Variants in ODC1 observed in about 807,000 individuals in gnomAD.
ODC1 encodes the protein ornithine decarboxylase.
ODC1 carries 18 observed loss-of-function variants against 41.5 expected under a neutral mutation model. That is an observed-to-expected ratio of 0.43 (90% confidence interval 0.30 to 0.64). The LOEUF (loss-of-function observed/expected upper bound fraction) is 0.64, where lower values mean the gene tolerates loss of function less well. Among genes scored for constraint, ODC1 ranks in the 30% least tolerant of loss-of-function variants. The pLI is 0.11. For synonymous variants in ODC1, 218 were observed against 211.6 expected (o/e 1.03, Z -0.26); for missense variants, 504 against 589.0 (o/e 0.86, Z 1.49).
intron 1 of ODC1, among the ~76,000 whole-genome samples, chr2:10,447,098 A>C (rs1292254461): frequency 2.0e-5 from 3 of 152,238 alleles, no homozygotes; most frequent in Non-Finnish European, 4.4e-5. Context: ...GTTCAGGCCT[A>C]AACTTGGAAA....
intron 3 of ODC1, 47 bp downstream of exon 3, chr2:10,444,884 G>C (rs752720342): frequency 6.5e-6 from 9 of 1,376,262 alleles, no homozygotes; most frequent in Non-Finnish European, 2.1e-6. Context: ...TTTTCCACTT[G>C]CCTGGCACTC....
At position 10,443,552 on chromosome 2, in the gene ODC1, A is replaced by G; in HGVS notation, c.604T>C (p.Cys202Arg). Residue 202 changes from cysteine (C) to arginine (R), a missense_variant, in exon 7 of 12, where the codon TGT becomes CGT. Physicochemically the swap from Cys to Arg is radical, Grantham distance 180 (BLOSUM62 -3). Transcript: ENST00000234111. Reference sequence around the variant, plus strand: ...TGCACGAAGGTCTCAGGATCGGTACAGCCGCTTCCTACATGGAAGCTGGGG... The same window carrying G: ...TGCACGAAGGTCTCAGGATCGGTACGGCCGCTTCCTACATGGAAGCTGGGG... ...VGVSFHVGSG[C>R]TDPETFVQAI... The G allele has an allele frequency of 1.9e-6, 3 of 1,613,856 alleles. No individual in the cohort carries two copies. The highest frequency in any genetic ancestry group is 2.5e-6 in the Non-Finnish European group (3 of 1,179,796).
intron 8 of ODC1, among the ~76,000 whole-genome samples, chr2:10,442,710 G>GCTTTTTCTT (rs1671871206): frequency 6.6e-6 from 1 of 151,946 alleles, no homozygotes; most frequent in South Asian, 2.1e-4. Context: ...ACAGCAACAT[G>GCTTTTTCTT]CTTTTTCTTT....
chr2:10,440,491 C>G lies in ODC1; in HGVS notation c.*233G>C, dbSNP rs1437627449. The G allele has an allele frequency of 4.9e-6, 2 of 404,814 alleles. No individual in the cohort carries two copies. Among genetic ancestry groups the G allele is most frequent in the East Asian group, 9.1e-5 (2 of 22,024 alleles). 25.1% of individuals were successfully genotyped at this position (404,814 alleles called of 1,614,324 possible). On this transcript the variant is annotated 3_prime_UTR_variant, in exon 12 of 12. Transcript: ENST00000234111. ...ATGCTTGTTCAGCAGCTGAGGGGCA[C>G]TCTTGAGTAGCGTGTCTGAAGAGTG...
At position 10,444,930 on chromosome 2, in the gene ODC1, CAGA is replaced by C; in HGVS notation, c.100_102del (p.Ser34del). ...TGCCAGCATGGGCCTCATATACTTA[CAGA>C]AGAAGAAACTTCATTAATTTTCTGG... On this transcript the variant is annotated inframe_deletion and splice_region_variant, in exon 3 of 12. Coordinates refer to ENST00000234111, the MANE Select transcript of ODC1 (RefSeq NM_002539.3). 3 of 1,606,624 alleles carry C rather than the reference CAGA, an allele frequency of 1.9e-6. No individual in the cohort carries two copies. The highest frequency in any genetic ancestry group is 2.6e-6 in the Non-Finnish European group (3 of 1,173,442).
rs1318860832 is a variant in ODC1, at chr2:10,442,179, G to A, written c.751-5C>T. On this transcript the variant is annotated splice_polypyrimidine_tract_variant and splice_region_variant and intron_variant, in intron 8 of 11. Transcript: ENST00000234111. ...TGGGTTGATTACGCCGGTGATCTAA[G>A]AGAGTGAAACAGAAAAGAAAGAGCA... The A allele has an allele frequency of 1.3e-6, 2 of 1,592,056 alleles. No individual in the cohort carries two copies. The highest frequency in any genetic ancestry group is 1.1e-5 in the South Asian group (1 of 87,502).
intron 1 of ODC1, chr2:10,447,603 G>C (rs1672069503): frequency 6.6e-6 from 1 of 152,248 alleles, no homozygotes; most frequent in Admixed American, 6.5e-5. Context: ...AGCTACTACA[G>C]CAAGACTATC....
intron 11 of ODC1, 123 bp downstream of exon 11, chr2:10,441,386 A>G: frequency 9.8e-7 from 1 of 1,016,234 alleles, no homozygotes. Flanking sequence ...AACTTTTCTT[A>G]GGAAAAATAT....
At chr2:10,444,397 C>A in intron 4 of ODC1, 77 bp downstream of exon 4, 1 of 1,518,372 alleles carries the variant, frequency 6.6e-7, no homozygotes. Flanking sequence ...GCCCAAAAAA[C>A]ACAACTTGTA....
In ODC1 at chr2:10,443,304, C is replaced by G. The variant is rs775665889; in HGVS notation, c.676G>C (p.Gly226Arg). ...ATATCAAGCAGATACATGCTGAAAC[C>G]AACCTCAGCCTAGAATCAAGAAAAT... ...RCVFDMGAEVGFSMYLLDIGG... is the reference protein window; with the variant it reads ...RCVFDMGAEVRFSMYLLDIGG... Residue 226 changes from glycine (G) to arginine (R), a missense_variant, in exon 8 of 12, where the codon GGT (glycine) becomes CGT (arginine). Gly to Arg is a moderately radical substitution (Grantham distance 125). Coordinates refer to ENST00000234111, the MANE Select transcript of ODC1 (RefSeq NM_002539.3). 10 of 1,610,724 alleles carry G rather than the reference C, an allele frequency of 6.2e-6. No homozygotes were observed. Among genetic ancestry groups the G allele is most frequent in the Non-Finnish European group, 8.5e-6 (10 of 1,179,112 alleles).
In ODC1 at chr2:10,444,643, T is replaced by C; in HGVS notation, c.107A>G (p.Asp36Gly). Residue 36 changes from aspartate (D) to glycine (G), a missense_variant, in exon 4 of 12, where the codon GAT becomes GGT. Physicochemically the swap from Asp to Gly is moderately conservative, Grantham distance 94 (BLOSUM62 -1). Coordinates refer to ENST00000234111, the MANE Select transcript of ODC1 (RefSeq NM_002539.3). The part of the protein sequence containing the change: ...QKINEVSSSD[D>G]KDAFYVADLG... ...GTCTGCCACATAGAAGGCATCCTTA[T>C]CATCCTGAAACAAGAGTGGTCACAG... The C allele has an allele frequency of 6.2e-7, 1 of 1,611,772 alleles. No individual in the cohort carries two copies.
At position 10,440,807 on chromosome 2, in the gene ODC1, T is replaced by C; in HGVS notation, c.1303A>G (p.Ser435Gly). 6.2e-7 allele frequency: 1 copy of C among 1,614,108 alleles called. No homozygotes were observed. Among genetic ancestry groups the C allele is most frequent in the Non-Finnish European group, 8.5e-7 (1 of 1,179,980 alleles). ...CAGGCACAAGACACAGGCAGGGTGC[T>C]GGCATCCTGTTCCTCTACTTCGGGT... ...FPPEVEEQDA[S>G]TLPVSCAWES... Residue 435 changes from serine (S) to glycine (G), a missense_variant, in exon 12 of 12, where the codon AGC becomes GGC. Ser to Gly is a moderately conservative substitution (Grantham distance 56). Around this residue, in one of 3 missense-constraint regions of ODC1, gnomAD observed 447 missense variants for 524.4 expected, o/e 0.85. Coordinates refer to ENST00000234111, the MANE Select transcript of ODC1 (RefSeq NM_002539.3).
intron 8 of ODC1, among the ~76,000 whole-genome samples, 166 bp from the exon 9 acceptor site, chr2:10,442,340 A>T (rs6708087): frequency 1.9e-3 from 296 of 152,220 alleles, no homozygotes; most frequent in African/African-American, 6.9e-3. Context: ...CTCCCTGAAA[A>T]CCAGGCTACA....
At chr2:10,441,796 T>C (rs939377514) in intron 10 of ODC1, 21 bp downstream of exon 10, 1 of 1,613,130 alleles carries the variant, frequency 6.2e-7, no homozygotes, top group East Asian at 2.2e-5. Context: ...AATTGTTTTA[T>C]ACAGTATGCT....
chr2:10,443,852 G>C lies in ODC1; in HGVS notation c.450-16C>G. The C allele has an allele frequency of 6.2e-7, 1 of 1,612,590 alleles. No homozygotes were observed. The highest frequency in any genetic ancestry group is 8.5e-7 in the Non-Finnish European group (1 of 1,178,712). On this transcript the variant is annotated splice_polypyrimidine_tract_variant and intron_variant, in intron 5 of 11. Transcript: ENST00000234111. ...CAAAACCAACCTACAAGCAAGGAAA[G>C]TGCAGCAAATGTCTCATGATAGATG...
chr2:10,447,804 A>G (rs935790711), intron 1 of ODC1: 25 of 152,280 alleles, frequency 1.6e-4, no homozygotes, highest in African/African-American at 5.8e-4. Flanking sequence ...CTCCCCGGCC[A>G]GCGCGCGGCC....
chr2:10,444,303 T>C, intron 4 of ODC1, 36 bp from the exon 5 acceptor site: 2 of 1,545,996 alleles, frequency 1.3e-6, no homozygotes, highest in Non-Finnish European at 1.7e-6. Context: ...TATCCATATG[T>C]GGCTTAACAC....
intron 1 of ODC1, chr2:10,446,696 T>G (rs959351018): frequency 4.7e-6 from 2 of 423,660 alleles, no homozygotes; most frequent in Non-Finnish European, 9.0e-6. Context: ...TTCTGCCAGG[T>G]AGAGCTTTCT....
chr2:10,445,914 T>G (rs891895365), intron 1 of ODC1, among the ~76,000 whole-genome samples: 2 of 152,108 alleles, frequency 1.3e-5, no homozygotes, highest in African/African-American at 4.8e-5. Context: ...GGGATTACAT[T>G]ATAGCCTTTA....
Sources: allele counts gnomAD v4.1 joint callset (sites outside exome capture counted in the v4.1 genomes callset), GRCh38; gene constraint gnomAD v4.1.1; regional missense constraint gnomAD v4.1.1; transcripts MANE v1.5; gene names NCBI Gene and HGNC (gene_info 2026-07-23, HGNC 2026-07-21).